CXCL17: variants seen among roughly 807,000 people sequenced by gnomAD.
CXCL17 encodes the protein C-X-C motif chemokine ligand 17, also known as C-X-C motif chemokine 17.
CXCL17 carries 9 observed loss-of-function variants against 15.5 expected under a neutral mutation model. That is an observed-to-expected ratio of 0.58 (90% CI 0.35 to 1.01). The LOEUF (loss-of-function observed/expected upper bound fraction) is 1.01, where lower values mean the gene tolerates loss of function less well. CXCL17 is among the 50% of genes least tolerant of loss of function. The pLI is 0.02. For synonymous variants in CXCL17, 52 were observed against 52.3 expected (o/e 0.99, Z 0.02); for missense variants, 133 against 138.2 (o/e 0.96, Z 0.19).
chr19:42,431,598 A>G (rs1347194485), intron 3 of CXCL17, among the ~76,000 whole-genome samples: 2 of 139,694 alleles, frequency 1.4e-5, no homozygotes, highest in African/African-American at 3.1e-5. Flanking sequence ...GATGTGAAAT[A>G]GGGGGTCTCT....
chr19:42,434,622 G>A (rs988967056), intron 1 of CXCL17, among the ~76,000 whole-genome samples: 3 of 152,028 alleles, frequency 2.0e-5, no homozygotes, highest in Non-Finnish European at 2.9e-5. Flanking sequence ...TAAAGATAGG[G>A]TTTTGCCAAG....
At position 42,428,563 on chromosome 19, in the gene CXCL17, T is replaced by G. The variant is rs1286494744; in HGVS notation, c.*321A>C. On this transcript the variant is annotated 3_prime_UTR_variant, in exon 4 of 4. Coordinates refer to ENST00000601181, the MANE Select transcript of CXCL17 (RefSeq NM_198477.3). ...ATCTGTGACATTTAAAAATATTTAT[T>G]GACTTCTGTTTGCTACTTTCCTGAT... 4.6e-6 allele frequency: 1 copy of G among 218,344 alleles called. No homozygotes were observed. Among genetic ancestry groups the G allele is most frequent in the Non-Finnish European group, 9.1e-6 (1 of 109,616 alleles). The allele number at this position is 218,344 out of a possible 1,614,324, so 13.5% of individuals were successfully genotyped here.
intron 1 of CXCL17, among the ~76,000 whole-genome samples, chr19:42,438,168 C>T (rs961129026): frequency 6.6e-6 from 1 of 150,858 alleles, no homozygotes; most frequent in Non-Finnish European, 1.5e-5. Context: ...ACCATCCTGG[C>T]TAACACGGTG....
chr19:42,433,960 TA>T (rs2040809577), intron 1 of CXCL17, 104 bp from the exon 2 acceptor site: 2 of 777,710 alleles, frequency 2.6e-6, no homozygotes, highest in African/African-American at 1.7e-5. Flanking sequence ...TTTCCATTTT[TA>T]CTTCAAGAAT....
intron 1 of CXCL17, among the ~76,000 whole-genome samples, chr19:42,440,467 A>G (rs1197968075): frequency 6.6e-6 from 1 of 152,174 alleles, no homozygotes; most frequent in Non-Finnish European, 1.5e-5. Flanking sequence ...GGGAAACAAG[A>G]TTTGAGCCCG....
chr19:42,431,395 TTGA>T (rs1305910125), intron 3 of CXCL17, among the ~76,000 whole-genome samples: 1 of 152,224 alleles, frequency 6.6e-6, no homozygotes, highest in African/African-American at 2.4e-5. Context: ...TTTTATTCTT[TTGA>T]TGATCAAAAT....
chr19:42,435,040 G>A lies in CXCL17; in HGVS notation c.80-1184C>T, dbSNP rs59397863. On this transcript the variant is annotated intron_variant, in intron 1 of 3. Coordinates refer to ENST00000601181, the MANE Select transcript of CXCL17 (RefSeq NM_198477.3). ...TAAAAATACAAAAAATTAGGCGGGC[G>A]TGGTGGCGGGCGCCTGTAGTCCCAG... Among the ~76,000 whole-genome samples, 994 of 151,792 alleles carry A rather than the reference G, an allele frequency of 6.5e-3. 92 individuals carry two copies. The East Asian group carries it at 0.17, about 26-fold the overall frequency.
At position 42,428,675 on chromosome 19, in the gene CXCL17, G is replaced by T; in HGVS notation, c.*209C>A. On this transcript the variant is annotated 3_prime_UTR_variant, in exon 4 of 4. Transcript: ENST00000601181. The stretch of plus-strand genomic sequence containing the variant: ...TTAAGCCTAAGCCTGGGTAAGGGGA[G>T]GGCACAGGCTAAGACTGACGAGAGA... 2.0e-6 allele frequency: 1 copy of T among 493,490 alleles called. No individual in the cohort carries two copies. Among genetic ancestry groups the T allele is most frequent in the Non-Finnish European group, 3.6e-6 (1 of 276,566 alleles). 30.6% of individuals were successfully genotyped at this position (493,490 alleles called of 1,614,324 possible).
Position 42,434,932 on chromosome 19 carries a change from C to G in CXCL17, c.80-1076G>C, listed in dbSNP as rs974724427. Among the ~76,000 whole-genome samples, 4 of 152,134 alleles carry G rather than the reference C, an allele frequency of 2.6e-5. No individual in the cohort carries two copies. The East Asian group carries it at 7.8e-4, about 30-fold the overall frequency. ...CGGTGGCTCATGCCTGGAATCCCAG[C>G]ACTTTGGGAGGCTGAGGCAGGCGGA... On this transcript the variant is annotated intron_variant, in intron 1 of 3. Coordinates refer to ENST00000601181, the MANE Select transcript of CXCL17 (RefSeq NM_198477.3).
chr19:42,440,673 T>C (rs1568623656), intron 1 of CXCL17, among the ~76,000 whole-genome samples: 1 of 152,218 alleles, frequency 6.6e-6, no homozygotes, highest in Non-Finnish European at 1.5e-5. Context: ...CATTTTAAGA[T>C]GATAAAACTG....
chr19:42,432,254 C>T (rs898014902), intron 3 of CXCL17, among the ~76,000 whole-genome samples: 9 of 149,400 alleles, frequency 6.0e-5, no homozygotes, highest in East Asian at 5.9e-4. Context: ...AAGCAATTCG[C>T]GTGCCTCAAC....
At chr19:42,440,868 T>G (rs2040885141) in intron 1 of CXCL17, among the ~76,000 whole-genome samples, 1 of 151,940 alleles carries the variant, frequency 6.6e-6, no homozygotes, top group Admixed American at 6.6e-5. Context: ...CCGGGGTCAT[T>G]TGGCGATGTC....
chr19:42,428,954 T>C lies in CXCL17; in HGVS notation c.290A>G (p.Asn97Ser). ...TRHQRHHRKP[N>S]KHSRACQQFL... ...TTGCTGGCAGGCTCTGGAATGCTTG[T>C]TTGGCTTTCTGTGGTGCCTTTGGTG... The change falls in exon 4 of 4, where the codon AAC becomes AGC. Residue 97 changes from asparagine (N) to serine (S), a missense_variant. Asn to Ser is a conservative substitution (Grantham distance 46, BLOSUM62 1). Coordinates refer to ENST00000601181, the MANE Select transcript of CXCL17 (RefSeq NM_198477.3). The C allele has an allele frequency of 6.2e-7, 1 of 1,614,142 alleles. No individual in the cohort carries two copies. Among genetic ancestry groups the C allele is most frequent in the South Asian group, 1.1e-5 (1 of 91,082 alleles).
chr19:42,439,884 T>G (rs564490475), intron 1 of CXCL17, among the ~76,000 whole-genome samples: 202 of 152,336 alleles, frequency 1.3e-3, no homozygotes, highest in African/African-American at 4.7e-3. Context: ...GATTGGAGTC[T>G]GGAGCAGAAA....
chr19:42,436,278 C>T (rs926804914), intron 1 of CXCL17, among the ~76,000 whole-genome samples: 7 of 152,294 alleles, frequency 4.6e-5, no homozygotes, highest in African/African-American at 1.2e-4. Flanking sequence ...TGCGTCATTT[C>T]CCCAAGGGCT....
chr19:42,434,383 C>T (rs2040812826), intron 1 of CXCL17, among the ~76,000 whole-genome samples: 1 of 152,142 alleles, frequency 6.6e-6, no homozygotes, highest in South Asian at 2.1e-4. Context: ...GAGATTATTC[C>T]TTAAATCAAG....
chr19:42,436,060 A>ATTCAGGCCTC (rs1243774069), intron 1 of CXCL17, among the ~76,000 whole-genome samples: 2 of 149,040 alleles, frequency 1.3e-5, no homozygotes, highest in African/African-American at 2.6e-5. Context: ...TTCCTAGCAA[A>ATTCAGGCCTC]CTAAAATAAA....
chr19:42,432,648 A>G (rs1483748395), intron 3 of CXCL17, among the ~76,000 whole-genome samples: 1 of 152,194 alleles, frequency 6.6e-6, no homozygotes, highest in African/African-American at 2.4e-5. Flanking sequence ...TAGACTAGGG[A>G]GGAGTCAAAT....
intron 1 of CXCL17, among the ~76,000 whole-genome samples, chr19:42,440,723 G>A (rs2040883598): frequency 6.6e-6 from 1 of 152,206 alleles, no homozygotes; most frequent in African/African-American, 2.4e-5. Flanking sequence ...GGGTTGCAAA[G>A]TGTGTGGCAG....
Sources: allele counts gnomAD v4.1 joint callset (sites outside exome capture counted in the v4.1 genomes callset), GRCh38; gene constraint gnomAD v4.1.1; transcripts MANE v1.5; gene names NCBI Gene and HGNC (gene_info 2026-07-23, HGNC 2026-07-21).